Variants in LARP4 observed in about 807,000 individuals in gnomAD.
The protein encoded by LARP4 is la-related protein 4.
LARP4 carries 29 observed loss-of-function variants against 92.9 expected under a neutral mutation model. The ratio of observed to expected loss-of-function variants is 0.31; its 90% CI spans 0.23 to 0.43. The LOEUF is 0.43. Ranked by LOEUF, LARP4 falls within the 20% of genes least tolerant of loss-of-function variation. The pLI, the probability that LARP4 is intolerant of heterozygous loss-of-function variation, is 1.00. For missense variants in LARP4, 732 were observed against 860.0 expected, an observed-to-expected ratio of 0.85 and a Z score of 1.86; for synonymous variants, 279 against 284.1, an observed-to-expected ratio of 0.98 and a Z score of 0.18.
chr12:50,432,213 C>G (rs562359603), intron 4 of LARP4, among the ~76,000 whole-genome samples: 6 of 152,190 alleles, frequency 3.9e-5, no homozygotes, highest in South Asian at 2.1e-4. Flanking sequence ...TTTTGTATGT[C>G]TTGTAAATTT....
At chr12:50,469,657 TC>T (rs1000819500) in intron 13 of LARP4, among the ~76,000 whole-genome samples, 2 of 136,520 alleles carry the variant, frequency 1.5e-5, no homozygotes, top group African/African-American at 5.4e-5. Flanking sequence ...AAGCCTGTAA[TC>T]CCCGCACTTT....
At chr12:50,463,729 C>T (rs1042042075) in intron 12 of LARP4, among the ~76,000 whole-genome samples, 1 of 152,168 alleles carries the variant, frequency 6.6e-6, no homozygotes, top group Non-Finnish European at 1.5e-5. Flanking sequence ...CTCTCATGGG[C>T]CCATGTTGAA....
intron 1 of LARP4, among the ~76,000 whole-genome samples, chr12:50,410,563 G>A (rs1029028148): frequency 2.6e-5 from 4 of 151,308 alleles, no homozygotes; most frequent in Non-Finnish European, 4.4e-5. Context: ...CCACCACCAC[G>A]CCTGGTTATT....
chr12:50,439,561 CCCAG>C (rs1950907081), intron 6 of LARP4, among the ~76,000 whole-genome samples: 1 of 152,076 alleles, frequency 6.6e-6, no homozygotes. Context: ...AGCCACCATG[CCCAG>C]CCAATTTTCA....
chr12:50,435,438 A>T, intron 4 of LARP4, 50 bp from the exon 5 acceptor site: 2 of 1,087,672 alleles, frequency 1.8e-6, no homozygotes, highest in Non-Finnish European at 2.8e-6. Flanking sequence ...ACCTCTTGTT[A>T]GATGCTTTTT....
At chr12:50,450,959 C>T (rs1953085549) in intron 8 of LARP4, among the ~76,000 whole-genome samples, 1 of 152,186 alleles carries the variant, frequency 6.6e-6, no homozygotes, top group South Asian at 2.1e-4. Context: ...TGTTGGGTTG[C>T]TTCTGGGGCC....
intron 1 of LARP4, among the ~76,000 whole-genome samples, chr12:50,423,009 G>A (rs988264626): frequency 4.0e-5 from 6 of 151,606 alleles, no homozygotes; most frequent in African/African-American, 1.2e-4. Flanking sequence ...TAGTAGCGAC[G>A]GGGTTTCGTC....
intron 8 of LARP4, among the ~76,000 whole-genome samples, chr12:50,448,332 A>G (rs1009271992): frequency 1.1e-4 from 16 of 152,158 alleles, no homozygotes; most frequent in Admixed American, 3.3e-4. Flanking sequence ...ACTGCCATCT[A>G]TCTCCAGAAC....
chr12:50,463,471 G>A (rs904159911), intron 12 of LARP4, among the ~76,000 whole-genome samples: 7 of 145,384 alleles, frequency 4.8e-5, no homozygotes, highest in Admixed American at 7.0e-5. Context: ...CATGGTGCAC[G>A]CCTGTTGTCC....
intron 13 of LARP4, among the ~76,000 whole-genome samples, chr12:50,468,186 G>A (rs1231272106): frequency 6.6e-6 from 1 of 152,084 alleles, no homozygotes; most frequent in Admixed American, 6.6e-5. Flanking sequence ...CTCCATGTTG[G>A]CCAGGCTGGT....
intron 1 of LARP4, among the ~76,000 whole-genome samples, chr12:50,407,640 T>C (rs564142547): frequency 2.5e-4 from 37 of 150,726 alleles, no homozygotes; most frequent in Admixed American, 7.3e-4. Flanking sequence ...AGGCCAGGAG[T>C]TTGAGACCAG....
At position 50,437,821 on chromosome 12, in the gene LARP4, G is replaced by A. The variant is rs773788540; in HGVS notation, c.622G>A (p.Glu208Lys). The A allele has an allele frequency of 1.9e-6, 3 of 1,584,634 alleles. No homozygotes were observed. The change falls in exon 6 of 16, where the codon GAA (glutamate) becomes AAA (lysine). Residue 208 changes from glutamate to lysine, a missense_variant. Around this residue, in one of 7 missense-constraint regions of LARP4, gnomAD observed 236 missense variants for 307.6 expected, o/e 0.77. Transcript: ENST00000398473. ...TATTGTAATTCTTAGAGAGATTCCT[G>A]AAACAACACCAATAGAGGTAAATTA... Reference protein sequence around the residue: ...RCIVILREIPETTPIEEVKGL... With the variant: ...RCIVILREIPKTTPIEEVKGL...
intron 10 of LARP4, among the ~76,000 whole-genome samples, chr12:50,456,250 A>G (rs1164736012): frequency 6.6e-6 from 1 of 152,168 alleles, no homozygotes; most frequent in Non-Finnish European, 1.5e-5. Context: ...AAGTATACCT[A>G]TGGTTTTGAA....
chr12:50,470,370 A>G (rs1956784811), intron 13 of LARP4, among the ~76,000 whole-genome samples: 1 of 152,100 alleles, frequency 6.6e-6, no homozygotes, highest in South Asian at 2.1e-4. Context: ...AGTTCAACAA[A>G]TAATGGCATC....
intron 1 of LARP4, among the ~76,000 whole-genome samples, chr12:50,425,552 A>G (rs548722731): frequency 2.1e-4 from 32 of 152,316 alleles, no homozygotes; most frequent in African/African-American, 6.0e-4. Flanking sequence ...CTGTTCTGCT[A>G]TCAGTCAAAA....
In LARP4 at chr12:50,478,975, G is replaced by C. The variant is rs1460622645; in HGVS notation, c.*3111G>C. 6.6e-6 allele frequency: 1 copy of C among 152,344 alleles called. No homozygotes were observed. Among genetic ancestry groups the C allele is most frequent in the African/African-American group, 2.4e-5 (1 of 41,442 alleles). 9.4% of individuals were successfully genotyped at this position (152,344 alleles called of 1,614,324 possible). On this transcript the variant is annotated 3_prime_UTR_variant, in exon 16 of 16. Coordinates refer to ENST00000398473, the MANE Select transcript of LARP4 (RefSeq NM_052879.5). ...ATTTATTTTTGTTTCCTAAAATTAA[G>C]ATAGCTTGAATATTATTTCACATTC...
At chr12:50,466,935 T>C (rs374307370) in intron 12 of LARP4, 24 bp from the exon 13 acceptor site, 181 of 1,591,520 alleles carry the variant, frequency 1.1e-4, no homozygotes, top group Non-Finnish European at 1.4e-4. Context: ...CCATGTGACC[T>C]GTTTTATTAT....
At chr12:50,413,317 T>C (rs1490341447) in intron 1 of LARP4, among the ~76,000 whole-genome samples, 4 of 152,114 alleles carry the variant, frequency 2.6e-5, no homozygotes, top group Admixed American at 1.3e-4. Context: ...ATCAGTTAAC[T>C]TATTAGCATG....
intron 4 of LARP4, among the ~76,000 whole-genome samples, chr12:50,433,269 ATTTTTTTT>A (rs60797979): frequency 1.7e-5 from 2 of 117,280 alleles, no homozygotes; most frequent in African/African-American, 6.0e-5. Flanking sequence ...CAAAAACGTG[ATTTTTTTT>A]TTTTTTTTTT....
Sources: gnomAD v4.1 joint callset for allele counts (sites outside exome capture counted in the v4.1 genomes callset) on GRCh38, gnomAD v4.1.1 for gene constraint, gnomAD v4.1.1 regional missense constraint, MANE v1.5 for transcripts, NCBI Gene and HGNC (gene_info 2026-07-23, HGNC 2026-07-21) for gene names.